Variants in DPP10 observed in about 807,000 individuals in gnomAD.
DPP10 encodes the protein dipeptidyl peptidase like 10, also known as inactive dipeptidyl peptidase 10.
Under a neutral mutation model 120.9 loss-of-function variants are expected in DPP10, and 33 were observed. That is an observed-to-expected ratio of 0.27 (90% CI 0.21 to 0.37). The LOEUF is 0.37. Ranked by LOEUF, DPP10 falls within the 10% of genes least tolerant of loss-of-function variation. The pLI is 1.00. For missense variants in DPP10, 816 were observed against 942.8 expected (o/e 0.87, Z 1.76); for synonymous variants, 337 against 326.1 (o/e 1.03, Z -0.36).
chr2:114,920,283 G>A (rs1695107967), intron 1 of DPP10, among the ~76,000 whole-genome samples: 1 of 152,114 alleles, frequency 6.6e-6, no homozygotes, highest in African/African-American at 2.4e-5. Context: ...TAATTAGTGG[G>A]CTGCTAACCA....
At chr2:114,763,656 A>G (rs1346945178) in intron 1 of DPP10, among the ~76,000 whole-genome samples, 2 of 152,196 alleles carry the variant, frequency 1.3e-5, no homozygotes, top group African/African-American at 4.8e-5. Context: ...GTGTTAATAA[A>G]GAATCCTTAA....
At chr2:115,635,508 A>AG (rs2086254179) in intron 5 of DPP10, among the ~76,000 whole-genome samples, 1 of 152,176 alleles carries the variant, frequency 6.6e-6, no homozygotes, top group Non-Finnish European at 1.5e-5. Context: ...TACTCTCCGT[A>AG]GGTCACACCA....
intron 1 of DPP10, among the ~76,000 whole-genome samples, chr2:114,692,558 G>C (rs1699827358): frequency 6.6e-6 from 1 of 152,056 alleles, no homozygotes; most frequent in East Asian, 1.9e-4. Context: ...ATACTCTGTT[G>C]TTTGGGGGTG....
chr2:115,502,253 G>A (rs999404166), intron 4 of DPP10, among the ~76,000 whole-genome samples: 1 of 151,956 alleles, frequency 6.6e-6, no homozygotes, highest in African/African-American at 2.4e-5. Context: ...TAAATATTGG[G>A]CATGGTTGCC....
chr2:114,776,245 C>T (rs1681726114), intron 1 of DPP10, among the ~76,000 whole-genome samples: 1 of 152,176 alleles, frequency 6.6e-6, no homozygotes. Flanking sequence ...AACAAACCTC[C>T]ATGATCTGAG....
chr2:115,637,807 C>T (rs995968913), intron 5 of DPP10, among the ~76,000 whole-genome samples: 1 of 152,104 alleles, frequency 6.6e-6, no homozygotes, highest in Non-Finnish European at 1.5e-5. Context: ...AGTGGCCATC[C>T]CAGTCAAACT....
At chr2:114,711,494 T>C (rs13383794) in intron 1 of DPP10, among the ~76,000 whole-genome samples, 3,337 of 152,262 alleles carry the variant, frequency 0.022, 140 homozygotes, top group African/African-American at 0.077. Context: ...AGTACCTCTG[T>C]GTTTCAGGTT....
At chr2:115,085,677 T>C (rs1436966709) in intron 1 of DPP10, among the ~76,000 whole-genome samples, 1 of 152,174 alleles carries the variant, frequency 6.6e-6, no homozygotes, top group Non-Finnish European at 1.5e-5. Flanking sequence ...ACAGTGTTCC[T>C]CAGAAAAAGT....
intron 5 of DPP10, among the ~76,000 whole-genome samples, chr2:115,619,450 A>G (rs913057070): frequency 6.6e-6 from 1 of 152,144 alleles, no homozygotes; most frequent in Non-Finnish European, 1.5e-5. Context: ...CCCACTTTCT[A>G]TAATAAAAAG....
chr2:115,699,244 G>A (rs1393667514), intron 7 of DPP10, among the ~76,000 whole-genome samples: 1 of 152,126 alleles, frequency 6.6e-6, no homozygotes, highest in Non-Finnish European at 1.5e-5. Flanking sequence ...AATCTGAATA[G>A]GCTTATAGTT....
chr2:115,415,594 G>C (rs1291183625), intron 3 of DPP10, among the ~76,000 whole-genome samples: 1 of 151,930 alleles, frequency 6.6e-6, no homozygotes, highest in African/African-American at 2.4e-5. Context: ...AAACTTAATT[G>C]CACTTCTCTT....
intron 1 of DPP10, among the ~76,000 whole-genome samples, chr2:114,558,177 G>T (rs1258198422): frequency 4.6e-5 from 7 of 152,170 alleles, no homozygotes; most frequent in African/African-American, 1.7e-4. Flanking sequence ...AAGACAGAGT[G>T]CCCGGGCGCT....
intron 1 of DPP10, among the ~76,000 whole-genome samples, chr2:114,947,948 T>G (rs1459653415): frequency 6.6e-6 from 1 of 152,070 alleles, no homozygotes; most frequent in Non-Finnish European, 1.5e-5. Flanking sequence ...CTGTATACTC[T>G]GAATCATTTT....
At chr2:114,802,314 A>G (rs962075780) in intron 1 of DPP10, among the ~76,000 whole-genome samples, 2 of 152,244 alleles carry the variant, frequency 1.3e-5, no homozygotes, top group African/African-American at 4.8e-5. Context: ...TAAAATATTT[A>G]AATGTAGTTT....
chr2:115,053,447 T>C (rs1705664656), intron 1 of DPP10, among the ~76,000 whole-genome samples: 1 of 152,126 alleles, frequency 6.6e-6, no homozygotes, highest in Non-Finnish European at 1.5e-5. Flanking sequence ...AGCAGATTAG[T>C]GGTTGCAAGT....
chr2:115,545,469 G>C lies in DPP10; in HGVS notation c.441+19497G>C, dbSNP rs180937954. Among the ~76,000 whole-genome samples, 7 of 152,194 alleles carry C rather than the reference G, an allele frequency of 4.6e-5. No homozygotes were observed. In the East Asian group the frequency reaches 1.4e-3, roughly 30 times the overall value. ...ATTCCAAGAAGAAGGCATCAAAACT[G>C]TTATGAAGATTGGGTCGGAGTTTTC... On this transcript the variant is annotated intron_variant, in intron 5 of 25. Transcript: ENST00000410059.
chr2:115,253,288 G>A (rs947106630), intron 1 of DPP10, among the ~76,000 whole-genome samples: 2 of 152,084 alleles, frequency 1.3e-5, no homozygotes, highest in Non-Finnish European at 2.9e-5. Flanking sequence ...CAACACTGGG[G>A]ATTACATCTG....
intron 1 of DPP10, among the ~76,000 whole-genome samples, chr2:114,738,456 A>G (rs1269851245): frequency 1.3e-5 from 2 of 152,180 alleles, no homozygotes; most frequent in South Asian, 4.1e-4. Flanking sequence ...CAGTGACTTA[A>G]TAATGGATAA....
chr2:115,668,716 T>C (rs2089649269), intron 5 of DPP10, among the ~76,000 whole-genome samples: 1 of 152,140 alleles, frequency 6.6e-6, no homozygotes, highest in Non-Finnish European at 1.5e-5. Flanking sequence ...AGATCTCCCA[T>C]GTGCACTTCT....
Sources: gnomAD v4.1 joint callset for allele counts (sites outside exome capture counted in the v4.1 genomes callset) on GRCh38, gnomAD v4.1.1 for gene constraint, MANE v1.5 for transcripts, NCBI Gene and HGNC (gene_info 2026-07-23, HGNC 2026-07-21) for gene names.